The following FAM163A variants were observed in gnomAD, a reference collection of about 807,000 sequenced individuals.
The protein encoded by FAM163A is protein FAM163A.
In FAM163A, 7 loss-of-function variants were observed where a neutral mutation model predicts 12.0. The ratio of observed to expected loss-of-function variants is 0.58; its 90% CI spans 0.33 to 1.10. The LOEUF (loss-of-function observed/expected upper bound fraction) is 1.10, where lower values mean the gene tolerates loss of function less well. Among genes scored for constraint, FAM163A ranks in the 50% least tolerant of loss-of-function variants. The probability of loss-of-function intolerance (pLI) is 0.03; values close to 1 mark genes in which losing one functional copy is unlikely to be tolerated. For synonymous variants in FAM163A, 101 were observed against 91.0 expected, an observed-to-expected ratio of 1.11 and a Z score of -0.62; for missense variants, 202 against 218.6, an observed-to-expected ratio of 0.92 and a Z score of 0.48.
intron 1 of FAM163A, among the ~76,000 whole-genome samples, chr1:179,777,479 C>A (rs1426891784): frequency 1.3e-5 from 2 of 152,140 alleles, no homozygotes; most frequent in Non-Finnish European, 2.9e-5. Context: ...GTGCCACCCC[C>A]CACAGACCCG....
chr1:179,728,777 T>C, the FAM163A span, among the ~76,000 whole-genome samples: 1 of 152,206 alleles, frequency 6.6e-6, no homozygotes, highest in Non-Finnish European at 1.5e-5. Flanking sequence ...ATTGGTTTAA[T>C]CTACAATCAA....
intron 1 of FAM163A, among the ~76,000 whole-genome samples, chr1:179,769,452 T>A (rs2148102919): frequency 6.6e-6 from 1 of 152,226 alleles, no homozygotes; most frequent in Non-Finnish European, 1.5e-5. Context: ...AATAAAAATG[T>A]TTGAATCTTA....
chr1:179,781,219 T>C (rs1165754277), intron 1 of FAM163A, among the ~76,000 whole-genome samples: 1 of 152,162 alleles, frequency 6.6e-6, no homozygotes, highest in Admixed American at 6.5e-5. Flanking sequence ...TTCTGGAATC[T>C]GATAGTGGTG....
At chr1:179,789,408 C>G (rs1382648287) in intron 1 of FAM163A, among the ~76,000 whole-genome samples, 1 of 152,232 alleles carries the variant, frequency 6.6e-6, no homozygotes, top group Non-Finnish European at 1.5e-5. Context: ...TCTTGAACTC[C>G]TGACCTCAGG....
chr1:179,737,494 T>G, the FAM163A span, among the ~76,000 whole-genome samples: 14 of 152,232 alleles, frequency 9.2e-5, no homozygotes, highest in East Asian at 2.7e-3. Context: ...GTTCAGAGGG[T>G]AGATCTCATG....
At chr1:179,793,505 C>T (rs1249798079) in intron 1 of FAM163A, among the ~76,000 whole-genome samples, 1 of 152,166 alleles carries the variant, frequency 6.6e-6, no homozygotes, top group African/African-American at 2.4e-5. Flanking sequence ...CGTACGTGCT[C>T]ATGCAGGGAT....
intron 1 of FAM163A, among the ~76,000 whole-genome samples, chr1:179,769,008 A>G (rs1472752510): frequency 6.6e-6 from 1 of 152,222 alleles, no homozygotes; most frequent in African/African-American, 2.4e-5. Context: ...AGAGATGCAT[A>G]CTGAAGTGAT....
intron 2 of FAM163A, among the ~76,000 whole-genome samples, chr1:179,809,391 AG>A (rs1207083450): frequency 3.3e-5 from 5 of 152,198 alleles, no homozygotes; most frequent in Admixed American, 2.0e-4. Context: ...CCTACTGGCA[AG>A]GGAGACGTGA....
Position 179,814,261 on chromosome 1 carries a change from CCT to C in FAM163A, c.*74_*75del, listed in dbSNP as rs2148392602. 21 of 1,501,066 alleles carry C rather than the reference CCT, an allele frequency of 1.4e-5. No homozygotes were observed. In the South Asian group the frequency reaches 2.5e-4, roughly 18 times the overall value. The allele number at this position is 1,501,066 out of a possible 1,614,324, so 93.0% of individuals were successfully genotyped here. A position where few individuals can be genotyped will look rare whatever the true frequency, so the allele number is the denominator to read the frequency against. On this transcript the variant is annotated 3_prime_UTR_variant, in exon 5 of 5. Coordinates refer to ENST00000341785, the MANE Select transcript of FAM163A (RefSeq NM_173509.3). Reference sequence around the variant, plus strand: ...GGGGGCCATGGGGGTGATGAATGACCCTCCAACAGCCCCACATGGGTTGTTTC... The same window carrying C: ...GGGGGCCATGGGGGTGATGAATGACCCCAACAGCCCCACATGGGTTGTTTC...
chr1:179,807,169 C>A (rs1171659817), intron 1 of FAM163A, among the ~76,000 whole-genome samples: 1 of 152,050 alleles, frequency 6.6e-6, no homozygotes, highest in African/African-American at 2.4e-5. Flanking sequence ...TGTAAAGAGA[C>A]CCCCAAAAAT....
intron 1 of FAM163A, among the ~76,000 whole-genome samples, chr1:179,743,869 CGCT>C (rs1039653270): frequency 1.3e-5 from 2 of 152,122 alleles, no homozygotes; most frequent in East Asian, 3.9e-4. Flanking sequence ...ACGCGGACGC[CGCT>C]GCTGCTGCTG....
At chr1:179,735,477 C>CTAAAGGAGTTA in the FAM163A span, among the ~76,000 whole-genome samples, 4 of 142,906 alleles carry the variant, frequency 2.8e-5, no homozygotes, top group Non-Finnish European at 4.5e-5. Flanking sequence ...TGAGTTGGAA[C>CTAAAGGAGTTA]CGTAAAGGAG....
upstream of FAM163A, among the ~76,000 whole-genome samples, chr1:179,741,353 GC>G (rs1683615095): frequency 6.6e-6 from 1 of 152,224 alleles, no homozygotes; most frequent in Non-Finnish European, 1.5e-5. Context: ...AAATTTTGTG[GC>G]CACTTTGGAA....
intron 1 of FAM163A, among the ~76,000 whole-genome samples, chr1:179,777,746 A>T (rs539483659): frequency 6.6e-6 from 1 of 152,294 alleles, no homozygotes; most frequent in South Asian, 2.1e-4. Context: ...CCCCTTTAAG[A>T]GGATCCTCAG....
chr1:179,792,371 T>A (rs1033567227), intron 1 of FAM163A, among the ~76,000 whole-genome samples: 1 of 151,236 alleles, frequency 6.6e-6, no homozygotes, highest in African/African-American at 2.4e-5. Context: ...CTCAAACTCC[T>A]GTGCTCAACA....
chr1:179,794,953 A>C (rs1026428172), intron 1 of FAM163A, among the ~76,000 whole-genome samples: 2 of 152,056 alleles, frequency 1.3e-5, no homozygotes, highest in African/African-American at 2.4e-5. Context: ...CGGCCTCCCA[A>C]CTCCAAGGCC....
chr1:179,800,209 G>T (rs373417205), intron 1 of FAM163A, among the ~76,000 whole-genome samples: 5 of 152,230 alleles, frequency 3.3e-5, no homozygotes, highest in Non-Finnish European at 5.9e-5. Flanking sequence ...CAGGTTCTCA[G>T]GCTCTGCCAG....
chr1:179,783,397 A>G (rs1690081203), intron 1 of FAM163A, among the ~76,000 whole-genome samples: 1 of 152,166 alleles, frequency 6.6e-6, no homozygotes, highest in African/African-American at 2.4e-5. Context: ...GCTAGGTGGC[A>G]GTGAAATTTT....
At chr1:179,799,667 A>T (rs139973879) in intron 1 of FAM163A, among the ~76,000 whole-genome samples, 2 of 152,238 alleles carry the variant, frequency 1.3e-5, no homozygotes, top group African/African-American at 4.8e-5. Flanking sequence ...GTTAATGAAC[A>T]TTGTTAGGAA....
Sources: gnomAD v4.1 joint callset for allele counts (sites outside exome capture counted in the v4.1 genomes callset) on GRCh38, gnomAD v4.1.1 for gene constraint, MANE v1.5 for transcripts, NCBI Gene and HGNC (gene_info 2026-07-23, HGNC 2026-07-21) for gene names.